EEF1G: variants seen among roughly 807,000 people sequenced by gnomAD.
EEF1G encodes elongation factor 1-gamma.
In EEF1G, 14 loss-of-function variants were observed where a neutral mutation model predicts 58.3. The ratio of observed to expected loss-of-function variants is 0.24; its 90% confidence interval spans 0.16 to 0.38. The LOEUF is 0.38. Among genes scored for constraint, EEF1G ranks in the 10% least tolerant of loss-of-function variants. EEF1G has a pLI of 1.00. For synonymous variants in EEF1G, 180 were observed against 206.8 expected (o/e 0.87, Z 1.11); for missense variants, 322 against 550.1 (o/e 0.59, Z 4.15).
chr11:62,565,738 T>TATTTTTAAAGA (rs1464286216), intron 7 of EEF1G, among the ~76,000 whole-genome samples: 3 of 152,212 alleles, frequency 2.0e-5, no homozygotes, highest in Non-Finnish European at 4.4e-5. Flanking sequence ...CTTTAAAGAG[T>TATTTTTAAAGA]GCCTGTGTCT....
chr11:62,571,416 T>G, intron 4 of EEF1G, 124 bp downstream of exon 4: 1 of 1,398,620 alleles, frequency 7.1e-7, no homozygotes, highest in Non-Finnish European at 9.6e-7. Flanking sequence ...CCCTAGAGAT[T>G]ACGTCTTCTC....
At chr11:62,561,276 G>T (rs576351777) in intron 7 of EEF1G, among the ~76,000 whole-genome samples, 8 of 152,144 alleles carry the variant, frequency 5.3e-5, no homozygotes, top group Middle Eastern at 3.4e-3. Context: ...CGTGGTGGCA[G>T]GCTGAGACAG....
Position 62,559,618 on chromosome 11 carries a change from T to C in EEF1G, c.*61A>G. ...GGAAAGGGTTCAATGTTCAGTTTCC[T>C]TTAATGACCCCCATCTCCCTGAAGG... On this transcript the variant is annotated 3_prime_UTR_variant, in exon 10 of 10. Transcript: ENST00000329251. The C allele has an allele frequency of 6.3e-7, 1 of 1,592,920 alleles. No homozygotes were observed. Among genetic ancestry groups the C allele is most frequent in the Non-Finnish European group, 8.6e-7 (1 of 1,164,892 alleles).
At chr11:62,565,258 G>T (rs1313534087) in intron 7 of EEF1G, among the ~76,000 whole-genome samples, 1 of 151,800 alleles carries the variant, frequency 6.6e-6, no homozygotes, top group Non-Finnish European at 1.5e-5. Context: ...GTGGTGGTGT[G>T]TGCCTTTGTC....
intron 5 of EEF1G, among the ~76,000 whole-genome samples, chr11:62,568,354 C>T (rs1241754401): frequency 2.2e-5 from 3 of 137,202 alleles, no homozygotes; most frequent in South Asian, 4.8e-4. Flanking sequence ...CGCCACTGCA[C>T]TCCAGCTTGG....
At chr11:62,566,262 G>A (rs578137526) in intron 7 of EEF1G, among the ~76,000 whole-genome samples, 1 of 152,240 alleles carries the variant, frequency 6.6e-6, no homozygotes, top group South Asian at 2.1e-4. Flanking sequence ...CTTCTACTTG[G>A]GGACTTTACT....
At chr11:62,568,837 G>A (rs760252607) in intron 5 of EEF1G, among the ~76,000 whole-genome samples, 16 of 151,954 alleles carry the variant, frequency 1.1e-4, no homozygotes, top group Non-Finnish European at 2.2e-4. Flanking sequence ...GCCAGGCATG[G>A]TTGCACATGC....
intron 7 of EEF1G, among the ~76,000 whole-genome samples, chr11:62,562,023 T>C (rs1366712116): frequency 6.6e-6 from 1 of 152,230 alleles, no homozygotes; most frequent in Non-Finnish European, 1.5e-5. Context: ...AGGATTTTTC[T>C]CAAAGTGATA....
Position 62,560,171 on chromosome 11 carries a change from C to T in EEF1G, c.1053G>A (p.Lys351=). 1 of 1,614,074 alleles carries T rather than the reference C, an allele frequency of 6.2e-7. No individual in the cohort carries two copies. Among genetic ancestry groups the T allele is most frequent in the Non-Finnish European group, 8.5e-7 (1 of 1,179,908 alleles). Residue 351 remains lysine (K), a synonymous_variant, in exon 9 of 10, where the codon AAG becomes AAA. Coordinates refer to ENST00000329251, the MANE Select transcript of EEF1G (RefSeq NM_001404.5). The part of the protein sequence containing the change: ...LITGMFQRLD[K]LRKNAFASVI... ...CACTGGCGAAGGCATTCTTCCTCAG[C>T]TTGTCCAGTCGCTGGAACATTCCTG... is the stretch of plus-strand genomic sequence containing the variant.
intron 7 of EEF1G, among the ~76,000 whole-genome samples, chr11:62,561,510 TA>T (rs71458419): frequency 0.011 from 1,135 of 102,352 alleles, 11 homozygotes; most frequent in African/African-American, 0.035. Context: ...CTATCTCTAC[TA>T]AAAAAAAAAA....
At chr11:62,570,835 C>A in intron 5 of EEF1G, 130 bp downstream of exon 5, 1 of 1,276,708 alleles carries the variant, frequency 7.8e-7, no homozygotes, top group East Asian at 2.3e-5. Context: ...GGATTACAGG[C>A]ATGAGCCACT....
chr11:62,566,471 C>T (rs1268391036), intron 7 of EEF1G, among the ~76,000 whole-genome samples: 4 of 152,230 alleles, frequency 2.6e-5, no homozygotes, highest in Non-Finnish European at 4.4e-5. Context: ...TTCCTCCCCA[C>T]GCCTCTCCCT....
At chr11:62,572,780 A>AG (rs1284237028) in intron 1 of EEF1G, 38 bp from the exon 2 acceptor site, 1 of 1,584,282 alleles carries the variant, frequency 6.3e-7, no homozygotes, top group Non-Finnish European at 8.6e-7. Context: ...AATGAGTAGA[A>AG]GGGTCCCAGT....
intron 1 of EEF1G, chr11:62,573,554 C>T: frequency 1.8e-6 from 1 of 567,460 alleles, no homozygotes; most frequent in Non-Finnish European, 3.2e-6. Context: ...CGCCTCAAAG[C>T]GGCAACAGAG....
chr11:62,561,675 A>AC (rs1565259866), intron 7 of EEF1G, among the ~76,000 whole-genome samples: 7 of 26,188 alleles, frequency 2.7e-4, no homozygotes, highest in Admixed American at 6.3e-4. Context: ...AAAAAACAAA[A>AC]AAAAAACAAA....
chr11:62,570,309 G>C (rs548941558), intron 5 of EEF1G, among the ~76,000 whole-genome samples: 1 of 151,854 alleles, frequency 6.6e-6, no homozygotes, highest in South Asian at 2.1e-4. Flanking sequence ...TGATCCACCC[G>C]CCTAGGCCTC....
chr11:62,566,702 T>C (rs1346032270), intron 7 of EEF1G, 104 bp downstream of exon 7: 6 of 1,087,806 alleles, frequency 5.5e-6, no homozygotes, highest in South Asian at 4.6e-5. Context: ...TAACTTTATA[T>C]GGACAACCTA....
At position 62,571,820 on chromosome 11, in the gene EEF1G, T is replaced by C; in HGVS notation, c.235+18A>G. ...TCACCTCCAAATTCTCCCATTCCCA[T>C]ATACCCCTGCAAATTACCATAGTAG... On this transcript the variant is annotated intron_variant, in intron 3 of 9. Coordinates refer to ENST00000329251, the MANE Select transcript of EEF1G (RefSeq NM_001404.5). The C allele has an allele frequency of 6.3e-7, 1 of 1,582,864 alleles. No individual in the cohort carries two copies. The highest frequency in any genetic ancestry group is 8.6e-7 in the Non-Finnish European group (1 of 1,164,268).
chr11:62,561,117 A>G (rs1941489317), intron 7 of EEF1G, among the ~76,000 whole-genome samples: 1 of 152,200 alleles, frequency 6.6e-6, no homozygotes, highest in African/African-American at 2.4e-5. Context: ...TTATAAACAT[A>G]TACACTGGCC....
Sources: allele counts gnomAD v4.1 joint callset (sites outside exome capture counted in the v4.1 genomes callset), GRCh38; gene constraint gnomAD v4.1.1; transcripts MANE v1.5; gene names NCBI Gene and HGNC (gene_info 2026-07-23, HGNC 2026-07-21).